TANGO6: variants seen among roughly 807,000 people sequenced by gnomAD.
TANGO6 encodes the protein transport and golgi organization 6 homolog.
In TANGO6, 90 loss-of-function variants were observed where a neutral mutation model predicts 114.2. The observed-to-expected ratio is 0.79, with a 90% CI of 0.66 to 0.94. The LOEUF is 0.94. Ranked by LOEUF, TANGO6 falls within the 40% of genes least tolerant of loss-of-function variation. TANGO6 has a pLI of 0.00. For synonymous variants in TANGO6, 477 were observed against 509.8 expected (o/e 0.94, Z 0.87); for missense variants, 1,274 against 1,315.3 (o/e 0.97, Z 0.49).
intron 15 of TANGO6, among the ~76,000 whole-genome samples, chr16:69,001,889 T>A (rs920251470): frequency 2.0e-5 from 3 of 152,144 alleles, no homozygotes; most frequent in Non-Finnish European, 2.9e-5. Context: ...TAATAACCAC[T>A]CACTGTAAGC....
intron 9 of TANGO6, among the ~76,000 whole-genome samples, chr16:68,906,594 A>G (rs1375891593): frequency 1.3e-5 from 2 of 151,184 alleles, no homozygotes. Flanking sequence ...TGTAGAAATG[A>G]GATCTTGCCA....
intron 15 of TANGO6, among the ~76,000 whole-genome samples, chr16:69,004,016 A>G (rs1312428297): frequency 6.6e-6 from 1 of 152,124 alleles, no homozygotes; most frequent in Non-Finnish European, 1.5e-5. Context: ...CAAAAAAAAA[A>G]AATTTTTTTC....
intron 15 of TANGO6, among the ~76,000 whole-genome samples, chr16:68,998,027 G>A (rs1235847476): frequency 2.6e-5 from 4 of 152,208 alleles, no homozygotes; most frequent in African/African-American, 7.2e-5. Flanking sequence ...AGATTCCTAA[G>A]TGTTCAATTT....
chr16:69,007,460 G>A (rs961019353), intron 15 of TANGO6, among the ~76,000 whole-genome samples: 4 of 151,318 alleles, frequency 2.6e-5, no homozygotes, highest in South Asian at 2.1e-4. Context: ...TAGTAGAGAC[G>A]GGTTTCACTG....
Position 69,042,375 on chromosome 16 carries a change from C to T in TANGO6, c.3108+1954C>T, listed in dbSNP as rs183621199. Among the ~76,000 whole-genome samples, 960 of 152,046 alleles carry T rather than the reference C, an allele frequency of 6.3e-3. 26 individuals carry two copies. The highest frequency in any genetic ancestry group is 3.1e-3 in the South Asian group (15 of 4,810). On this transcript the variant is annotated intron_variant, in intron 17 of 17. Coordinates refer to ENST00000261778, the MANE Select transcript of TANGO6 (RefSeq NM_024562.2). The stretch of plus-strand genomic sequence containing the variant: ...CAGCCTGGCCAACATGGTGAAACCC[C>T]GTCTCTACTAAAAATACAAAAATTA...
At chr16:69,063,123 G>A (rs1011703633) in intron 17 of TANGO6, among the ~76,000 whole-genome samples, 1 of 151,608 alleles carries the variant, frequency 6.6e-6, no homozygotes, top group Non-Finnish European at 1.5e-5. Flanking sequence ...AGCTACTTGG[G>A]AAGCGGAGGC....
rs1223144504 is a variant in TANGO6, at chr16:68,919,950, G to A, written c.2127+731G>A. On this transcript the variant is annotated intron_variant, in intron 12 of 17. Transcript: ENST00000261778. ...TAATCCCAGCTACTCGGGAGGCTGAGGCAGGAAAATTGCTTGAACCCAGGA... is the reference window on the plus strand; with the variant it reads ...TAATCCCAGCTACTCGGGAGGCTGAAGCAGGAAAATTGCTTGAACCCAGGA... Among the ~76,000 whole-genome samples the A allele has an allele frequency of 2.6e-5, 4 of 152,272 alleles. No homozygotes were observed. In the East Asian group the frequency reaches 7.7e-4, roughly 29 times the overall value.
intron 15 of TANGO6, among the ~76,000 whole-genome samples, chr16:68,998,506 C>T (rs1296192604): frequency 2.0e-5 from 3 of 151,910 alleles, no homozygotes; most frequent in African/African-American, 7.3e-5. Flanking sequence ...CTGAGGCGGG[C>T]AGATCACAAG....
At chr16:69,055,060 T>G (rs1366537637) in intron 17 of TANGO6, among the ~76,000 whole-genome samples, 2 of 151,964 alleles carry the variant, frequency 1.3e-5, no homozygotes, top group Non-Finnish European at 2.9e-5. Context: ...TAGTGGGGTT[T>G]CAAGAGAGAG....
chr16:68,966,698 G>T (rs1269035769), intron 14 of TANGO6, among the ~76,000 whole-genome samples: 2 of 151,866 alleles, frequency 1.3e-5, no homozygotes, highest in Non-Finnish European at 2.9e-5. Flanking sequence ...TGAATTACTG[G>T]GCTCAAGTGA....
chr16:68,905,604 T>C (rs576694157), intron 9 of TANGO6, among the ~76,000 whole-genome samples: 39 of 152,094 alleles, frequency 2.6e-4, no homozygotes, highest in African/African-American at 9.4e-4. Flanking sequence ...CATAGTATCT[T>C]TGTCTCTTGT....
At chr16:68,974,256 C>T (rs1963739364) in intron 15 of TANGO6, 88 bp downstream of exon 15, 3 of 1,509,980 alleles carry the variant, frequency 2.0e-6, no homozygotes, top group Admixed American at 1.8e-5. Context: ...GGGCTTGTTA[C>T]ACTAGTGTGG....
chr16:68,877,477 A>AG (rs1160542047), intron 5 of TANGO6, among the ~76,000 whole-genome samples: 6 of 151,898 alleles, frequency 4.0e-5, no homozygotes, highest in Non-Finnish European at 8.8e-5. Context: ...CAAAAAAAAA[A>AG]AAAAAAGGAA....
chr16:68,865,355 A>C (rs1375657373), intron 3 of TANGO6, among the ~76,000 whole-genome samples: 1 of 152,166 alleles, frequency 6.6e-6, no homozygotes, highest in African/African-American at 2.4e-5. Flanking sequence ...GAACATTCAA[A>C]CTGCAGCACC....
At chr16:69,061,008 AC>A (rs1178037038) in intron 17 of TANGO6, among the ~76,000 whole-genome samples, 2 of 151,926 alleles carry the variant, frequency 1.3e-5, no homozygotes, top group Non-Finnish European at 2.9e-5. Context: ...AACAAAAAAA[AC>A]AAAAAAATAA....
At chr16:68,878,459 A>G (rs1200230448) in intron 6 of TANGO6, among the ~76,000 whole-genome samples, 179 bp downstream of exon 6, 1 of 152,186 alleles carries the variant, frequency 6.6e-6, no homozygotes, top group African/African-American at 2.4e-5. Flanking sequence ...AACTACCCAT[A>G]TACAGATCAC....
intron 5 of TANGO6, 128 bp downstream of exon 5, chr16:68,875,418 C>G: frequency 8.7e-7 from 1 of 1,148,882 alleles, no homozygotes. Flanking sequence ...TAGTGAGGAG[C>G]CTTCTTAATA....
intron 4 of TANGO6, 161 bp downstream of exon 4, chr16:68,867,381 C>T (rs17623268): frequency 0.11 from 86,305 of 805,736 alleles, 5,340 homozygotes; most frequent in Non-Finnish European, 0.12. Flanking sequence ...CGTTAATGAG[C>T]TTCTTTTCCA....
intron 16 of TANGO6, among the ~76,000 whole-genome samples, chr16:69,029,251 T>G (rs1467056291): frequency 6.6e-6 from 1 of 152,156 alleles, no homozygotes; most frequent in Admixed American, 6.6e-5. Context: ...CCAGGTACAC[T>G]TGGGAATGGG....
Sources: allele counts gnomAD v4.1 joint callset (sites outside exome capture counted in the v4.1 genomes callset), GRCh38; gene constraint gnomAD v4.1.1; transcripts MANE v1.5; gene names NCBI Gene and HGNC (gene_info 2026-07-23, HGNC 2026-07-21).